SZT2: variants seen among roughly 807,000 people sequenced by gnomAD.
SZT2 encodes the protein SZT2 subunit of KICSTOR complex, also known as KICSTOR complex protein SZT2.
Under a neutral mutation model 404.2 loss-of-function variants are expected in SZT2, and 216 were observed. The ratio of observed to expected loss-of-function variants is 0.53; its 90% CI spans 0.48 to 0.60. The LOEUF (loss-of-function observed/expected upper bound fraction) is 0.60, where lower values mean the gene tolerates loss of function less well. Ranked by LOEUF, SZT2 falls within the 20% of genes least tolerant of loss-of-function variation. The pLI is 0.00. For synonymous variants in SZT2, 1,693 were observed against 1,749.9 expected (o/e 0.97, Z 0.81); for missense variants, 3,857 against 4,459.2 (o/e 0.86, Z 3.85).
intron 3 of SZT2, chr1:43,403,999 C>T (rs1649993213): frequency 1.7e-6 from 1 of 573,486 alleles, no homozygotes; most frequent in East Asian, 2.9e-5. Flanking sequence ...TACTCGAGCT[C>T]AGGAGTTCGA....
chr1:43,430,978 C>A lies in SZT2; in HGVS notation c.4804C>A (p.Pro1602Thr), dbSNP rs1476081255. ...GQVLSSLEGP[P>T]VGGRVPLRDL... The stretch of plus-strand genomic sequence containing the variant: ...GGTGCTTTCCAGTCTGGAGGGCCCC[C>A]CAGTTGGAGGCCGAGTTCCCTTGAG... The change falls in exon 33 of 72, where the codon CCA (proline) becomes ACA (threonine). Residue 1602 changes from proline (P) to threonine (T), a missense_variant. By Grantham distance (38) the Pro-to-Thr change is conservative. This residue lies in a region of SZT2 where 1,725 missense variants were observed against 1,881.0 expected (regional missense o/e 0.92). Coordinates refer to ENST00000634258, the MANE Select transcript of SZT2 (RefSeq NM_001365999.1). 1.9e-6 allele frequency: 3 copies of A among 1,613,968 alleles called. No individual in the cohort carries two copies. The highest frequency in any genetic ancestry group is 2.5e-6 in the Non-Finnish European group (3 of 1,180,010).
Position 43,452,933 on chromosome 1 carries a change from A to C in SZT2, c.*2453A>C, listed in dbSNP as rs1165181073. 6.2e-7 allele frequency: 1 copy of C among 1,608,036 alleles called. No homozygotes were observed. The highest frequency in any genetic ancestry group is 1.7e-5 in the Admixed American group (1 of 59,414). ...CAGCCTCAGGAACGCTGCCAAATAC[A>C]CCAGGCCTCCTCTTGCCACAGCACC... On this transcript the variant is annotated 3_prime_UTR_variant, in exon 72 of 72. Transcript: ENST00000634258.
chr1:43,437,023 G>A lies in SZT2; in HGVS notation c.6035-148G>A, dbSNP rs1329424172. On this transcript the variant is annotated intron_variant, in intron 42 of 71. Transcript: ENST00000634258. This position sits in a 1 kb window ranked among gnomAD's most constrained non-coding sequence, Gnocchi z 5.3. ...GGGCATGCATCTGCCTGGCCCTGTC[G>A]TGTTACCCAGAATGATCATCATTTC... The A allele has an allele frequency of 1.3e-5, 14 of 1,064,938 alleles. No individual in the cohort carries two copies. The highest frequency in any genetic ancestry group is 4.4e-5 in the Admixed American group (2 of 45,856). The allele number at this position is 1,064,938 out of a possible 1,614,324, so 66.0% of individuals were successfully genotyped here. A position where few individuals can be genotyped will look rare whatever the true frequency, so the allele number is the denominator to read the frequency against.
chr1:43,404,543 C>A lies in SZT2; in HGVS notation c.491C>A (p.Ser164Tyr). Residue 164 changes from serine to tyrosine, a missense_variant, in exon 4 of 72, where the codon TCC (serine) becomes TAC (tyrosine). By Grantham distance (144) the Ser-to-Tyr change is moderately radical. Around this residue, in one of 7 missense-constraint regions of SZT2, gnomAD observed 536 missense variants for 637.4 expected, o/e 0.84. Transcript: ENST00000634258. ...QAYSSIIGLQSHQVLVQGCLL... is the reference protein window; with the variant it reads ...QAYSSIIGLQYHQVLVQGCLL... ...TACTCCTCCATCATTGGACTGCAGTCCCACCAGGTATTGCATCATCTCTCC... is the reference window on the plus strand; with the variant it reads ...TACTCCTCCATCATTGGACTGCAGTACCACCAGGTATTGCATCATCTCTCC... The A allele has an allele frequency of 1.2e-6, 2 of 1,612,770 alleles. No individual in the cohort carries two copies. The highest frequency in any genetic ancestry group is 1.1e-5 in the South Asian group (1 of 90,782).
At chr1:43,390,053 G>C (rs1648091482) in intron 1 of SZT2, 58 bp downstream of exon 1, 1 of 1,373,020 alleles carries the variant, frequency 7.3e-7, no homozygotes, top group Non-Finnish European at 9.4e-7. Context: ...GGGTCCGGCG[G>C]GCAGGCGTGG....
At chr1:43,394,879 C>CAAAAA (rs565825081) in intron 1 of SZT2, among the ~76,000 whole-genome samples, 1 of 78,372 alleles carries the variant, frequency 1.3e-5, no homozygotes, top group Non-Finnish European at 2.7e-5. Context: ...AACTCCATCT[C>CAAAAA]AAAAAAAAAA....
intron 62 of SZT2, chr1:43,445,122 T>C (rs1189079134): frequency 2.0e-5 from 3 of 152,172 alleles, no homozygotes; most frequent in South Asian, 2.1e-4. Flanking sequence ...TAAAGGACTT[T>C]AGTTTGCACA....
Position 43,453,032 on chromosome 1 carries a change from T to TGTA in SZT2, c.*2553_*2555dup, listed in dbSNP as rs1656611240. The TGTA allele has an allele frequency of 7.3e-7, 1 of 1,365,038 alleles. No homozygotes were observed. The highest frequency in any genetic ancestry group is 1.4e-5 in the African/African-American group (1 of 69,886). 84.6% of individuals were successfully genotyped at this position (1,365,038 alleles called of 1,614,324 possible). A position where few individuals can be genotyped will look rare whatever the true frequency, so the allele number is the denominator to read the frequency against. Reference sequence around the variant, plus strand: ...TGAAGACAGTCCAAGCATCACTACCTGTAAGCAGCTTTCTCTGATCCAGAC... The same window carrying TGTA: ...TGAAGACAGTCCAAGCATCACTACCTGTAGTAAGCAGCTTTCTCTGATCCAGAC... On this transcript the variant is annotated 3_prime_UTR_variant, in exon 72 of 72. Coordinates refer to ENST00000634258, the MANE Select transcript of SZT2 (RefSeq NM_001365999.1).
At chr1:43,396,925 A>C (rs1649063982) in intron 1 of SZT2, among the ~76,000 whole-genome samples, 1 of 152,256 alleles carries the variant, frequency 6.6e-6, no homozygotes, top group South Asian at 2.1e-4. Context: ...TGAAAGATGA[A>C]GTGAATAAAG....
rs753559675 is a variant in SZT2 at position 43,424,877 on chromosome 1, C to T, written c.2550+15C>T. 1.2e-6 allele frequency: 2 copies of T among 1,611,550 alleles called. No homozygotes were observed. Among genetic ancestry groups the T allele is most frequent in the Non-Finnish European group, 8.5e-7 (1 of 1,177,676 alleles). On this transcript the variant is annotated intron_variant, in intron 17 of 71. Transcript: ENST00000634258. This position sits in a 1 kb window ranked among gnomAD's most constrained non-coding sequence, Gnocchi z 4.1. ...TTCCAATTCAGGTACGTGCCATCCC[C>T]CATGACACCTCCCTGCCAAGGTCTG...
chr1:43,426,924 C>A lies in SZT2; in HGVS notation c.3309+115C>A. Reference sequence around the variant, plus strand: ...GACTAAATGGCATCTGCCAATGACACAATGCCGTCATTTTCCATTGTCCTG... The same window carrying A: ...GACTAAATGGCATCTGCCAATGACAAAATGCCGTCATTTTCCATTGTCCTG... On this transcript the variant is annotated intron_variant, in intron 23 of 71. Transcript: ENST00000634258. This position sits in a 1 kb window ranked among gnomAD's most constrained non-coding sequence, Gnocchi z 4.9. 6.5e-7 allele frequency: 1 copy of A among 1,546,516 alleles called. No homozygotes were observed. Among genetic ancestry groups the A allele is most frequent in the Admixed American group, 1.7e-5 (1 of 57,238 alleles).
At position 43,420,958 on chromosome 1, in the gene SZT2, C is replaced by T. The variant is rs1456080424; in HGVS notation, c.1471C>T (p.Arg491Trp). ...TTCATTGTATCGTACCCATGTTATC[C>T]GGCGTTTCTGGAACACGCTGCAGAG... ...IRSLYRTHVI[R>W]RFWNTLQSIN... The change falls in exon 10 of 72, where the codon CGG becomes TGG. Residue 491 changes from arginine (R) to tryptophan (W), a missense_variant. By Grantham distance (101) the Arg-to-Trp change is moderately radical. This residue lies in a region of SZT2 where 536 missense variants were observed against 637.4 expected (regional missense o/e 0.84). Coordinates refer to ENST00000634258, the MANE Select transcript of SZT2 (RefSeq NM_001365999.1). The surrounding 1 kb of genome is among the most constrained non-coding windows in gnomAD (Gnocchi z 5.1). The T allele has an allele frequency of 2.5e-6, 4 of 1,598,298 alleles. No individual in the cohort carries two copies. Among genetic ancestry groups the T allele is most frequent in the Non-Finnish European group, 3.4e-6 (4 of 1,179,822 alleles).
In SZT2 at chr1:43,442,623, C is replaced by A. The variant is rs754279823; in HGVS notation, c.8151+5C>A. The A allele has an allele frequency of 9.4e-6, 15 of 1,595,072 alleles. No homozygotes were observed. Among genetic ancestry groups the A allele is most frequent in the Non-Finnish European group, 1.2e-5 (14 of 1,169,246 alleles). ...TTCCCCGTGCGAGATGAAAAGGTGC[C>A]TGCTGCTCTGGTTCTTCCTATAGTT... On this transcript the variant is annotated splice_donor_5th_base_variant and intron_variant, in intron 58 of 71. Transcript: ENST00000634258. This position sits in a 1 kb window ranked among gnomAD's most constrained non-coding sequence, Gnocchi z 4.5.
Position 43,432,487 on chromosome 1 carries a change from A to G in SZT2, c.5443-30A>G, listed in dbSNP as rs538108324. The G allele has an allele frequency of 8.5e-5, 134 of 1,578,666 alleles. No homozygotes were observed. The East Asian group carries it at 2.2e-3, about 26-fold the overall frequency. On this transcript the variant is annotated intron_variant, in intron 37 of 71. Coordinates refer to ENST00000634258, the MANE Select transcript of SZT2 (RefSeq NM_001365999.1). ...GGGGGGTGGTGGGTGTGTGGGGCCTATACCTCAGTCCTGACTTCCTATTCC... is the reference window on the plus strand; with the variant it reads ...GGGGGGTGGTGGGTGTGTGGGGCCTGTACCTCAGTCCTGACTTCCTATTCC...
In SZT2 at chr1:43,403,624, A is replaced by G; in HGVS notation, c.177A>G (p.Glu59=). The change falls in exon 3 of 72, where the codon GAA becomes GAG. Residue 59 remains glutamate (E), a synonymous_variant. Coordinates refer to ENST00000634258, the MANE Select transcript of SZT2 (RefSeq NM_001365999.1). ...AGCTTCAGTCTGAACAGGAATTGGA[A>G]GTCCTCAGTGTCCTGCCCCCTGGGT... ...EMLLQSEQEL[E]VLSVLPPGWQ... is the part of the protein sequence containing the mutation. The G allele has an allele frequency of 6.2e-7, 1 of 1,613,590 alleles. No individual in the cohort carries two copies.
chr1:43,417,404 G>A (rs1201069245), intron 7 of SZT2, among the ~76,000 whole-genome samples: 4 of 152,224 alleles, frequency 2.6e-5, no homozygotes, highest in Non-Finnish European at 5.9e-5. Context: ...TGACTGGGTA[G>A]CAGCAGAGCA....
In SZT2 at chr1:43,448,294, C is replaced by T. The variant is rs1416367920; in HGVS notation, c.9779C>T (p.Ala3260Val). 1.9e-6 allele frequency: 3 copies of T among 1,557,952 alleles called. No homozygotes were observed. In the East Asian group the frequency reaches 7.3e-5, roughly 38 times the overall value. Reference protein sequence around the residue: ...PLAAEVGMARARLAQLVRLAG... With the variant: ...PLAAEVGMARVRLAQLVRLAG... ...GCTGCAGAGGTGGGCATGGCACGAG[C>T]ACGGCTGGCTCAGCTGGTGCGGCTG... is the stretch of plus-strand genomic sequence containing the variant. The change falls in exon 69 of 72, where the codon GCA (alanine) becomes GTA (valine). Residue 3260 changes from alanine to valine, a missense_variant. Coordinates refer to ENST00000634258, the MANE Select transcript of SZT2 (RefSeq NM_001365999.1). The surrounding 1 kb of genome is among the most constrained non-coding windows in gnomAD (Gnocchi z 4.2).
At chr1:43,444,740 G>A (rs1655477683) in intron 62 of SZT2, among the ~76,000 whole-genome samples, 1 of 152,140 alleles carries the variant, frequency 6.6e-6, no homozygotes, top group African/African-American at 2.4e-5. Flanking sequence ...CCTGCTCTAT[G>A]TTCCTCTCCA....
rs1461116323 is a variant in SZT2, at chr1:43,415,217, T to C, written c.630+4T>C. On this transcript the variant is annotated splice_donor_region_variant and intron_variant, in intron 5 of 71. Coordinates refer to ENST00000634258, the MANE Select transcript of SZT2 (RefSeq NM_001365999.1). ...GCAGTACGATCCCCAGAGCCAGGTA[T>C]GTAAGAGAGAAAGTGGGCAGAGGCA... The C allele has an allele frequency of 1.2e-5, 19 of 1,597,182 alleles. No homozygotes were observed. Among genetic ancestry groups the C allele is most frequent in the Admixed American group, 1.7e-5 (1 of 59,926 alleles).
Sources: gnomAD v4.1 joint callset for allele counts (sites outside exome capture counted in the v4.1 genomes callset) on GRCh38, gnomAD v4.1.1 for gene constraint, gnomAD v4.1.1 regional missense constraint, Gnocchi (gnomAD v3.1) non-coding constraint, MANE v1.5 for transcripts, NCBI Gene and HGNC (gene_info 2026-07-23, HGNC 2026-07-21) for gene names.